PPWD1: variants seen among roughly 807,000 people sequenced by gnomAD.
The protein encoded by PPWD1 is peptidylprolyl isomerase domain and WD repeat containing 1.
Under a neutral mutation model 68.8 loss-of-function variants are expected in PPWD1, and 43 were observed. The ratio of observed to expected loss-of-function variants is 0.62; its 90% CI spans 0.49 to 0.81. The LOEUF (loss-of-function observed/expected upper bound fraction) is 0.81. Ranked by LOEUF, PPWD1 falls within the 30% of genes least tolerant of loss-of-function variation. The probability of loss-of-function intolerance (pLI) is 0.00; values close to 1 mark genes in which losing one functional copy is unlikely to be tolerated. For missense variants in PPWD1, 672 were observed against 804.8 expected, an observed-to-expected ratio of 0.83 and a Z score of 2.00; for synonymous variants, 232 against 258.7, an observed-to-expected ratio of 0.90 and a Z score of 0.99.
chr5:65,579,279 G>T, intron 6 of PPWD1, 145 bp from the exon 7 acceptor site: 1 of 1,246,198 alleles, frequency 8.0e-7, no homozygotes, highest in Non-Finnish European at 1.0e-6. Context: ...TACCTTTTGG[G>T]GGGTAGAGAA....
intron 8 of PPWD1, 135 bp from the exon 9 acceptor site, chr5:65,584,878 GA>G (rs10682457): frequency 5.2e-4 from 605 of 1,161,020 alleles, no homozygotes; most frequent in East Asian, 1.6e-3. Context: ...TAGAGATTAT[GA>G]AAAAAAAAAA....
chr5:65,583,779 T>G (rs1369257907), intron 8 of PPWD1, among the ~76,000 whole-genome samples: 1 of 152,006 alleles, frequency 6.6e-6, no homozygotes, highest in African/African-American at 2.4e-5. Flanking sequence ...CAAGACTCTA[T>G]CTCTTAAAAA....
chr5:65,564,685 C>T (rs1752621753), intron 1 of PPWD1, among the ~76,000 whole-genome samples: 1 of 152,296 alleles, frequency 6.6e-6, no homozygotes, highest in South Asian at 2.1e-4. Context: ...TGTGATCTCT[C>T]CTTACCTTCT....
intron 1 of PPWD1, 41 bp downstream of exon 1, chr5:65,563,547 G>T (rs1432415005): frequency 1.3e-6 from 2 of 1,567,428 alleles, no homozygotes; most frequent in Non-Finnish European, 8.6e-7. Context: ...GGAGTGCTGC[G>T]TCCGCTGAGT....
intron 2 of PPWD1, chr5:65,568,796 G>C: frequency 3.1e-6 from 1 of 322,136 alleles, no homozygotes; most frequent in South Asian, 2.7e-5. Flanking sequence ...GGATAATTCT[G>C]ACCAAATATT....
Position 65,572,057 on chromosome 5 carries a change from T to C in PPWD1, c.740T>C (p.Ile247Thr), listed in dbSNP as rs1753037208. The change falls in exon 5 of 11, where the codon ATT (isoleucine) becomes ACT (threonine). Residue 247 changes from isoleucine (I) to threonine (T), a missense_variant. Ile to Thr is a moderately conservative substitution (Grantham distance 89). Coordinates refer to ENST00000261308, the MANE Select transcript of PPWD1 (RefSeq NM_015342.4). ...GTGTCTTCTGACAAATCTGGGATGA[T>C]TGAATACTGGACTGGGCCTCCTCAT... The part of the protein sequence containing the change: ...AVVSSDKSGM[I>T]EYWTGPPHEY... 5 of 1,613,972 alleles carry C rather than the reference T, an allele frequency of 3.1e-6. No homozygotes were observed. The highest frequency in any genetic ancestry group is 4.2e-6 in the Non-Finnish European group (5 of 1,179,864).
At chr5:65,576,454 G>A in intron 5 of PPWD1, 2 of 564,792 alleles carry the variant, frequency 3.5e-6, no homozygotes, top group Non-Finnish European at 4.4e-6. Context: ...TCGGCTCACT[G>A]CAGCGTCTGC....
chr5:65,581,607 G>A (rs543635491), intron 7 of PPWD1, among the ~76,000 whole-genome samples: 1 of 152,124 alleles, frequency 6.6e-6, no homozygotes, highest in Non-Finnish European at 1.5e-5. Context: ...AGGCAAAAAA[G>A]GATATTTCTT....
chr5:65,568,284 T>C (rs749262104), intron 2 of PPWD1, among the ~76,000 whole-genome samples: 3 of 152,204 alleles, frequency 2.0e-5, no homozygotes, highest in Non-Finnish European at 4.4e-5. Flanking sequence ...CCAGGTACTA[T>C]GCTAAGGCTT....
intron 6 of PPWD1, among the ~76,000 whole-genome samples, chr5:65,577,527 T>A (rs576790646): frequency 6.6e-6 from 1 of 152,148 alleles, no homozygotes; most frequent in Non-Finnish European, 1.5e-5. Flanking sequence ...AATCAGATAC[T>A]CTCACTGAAT....
intron 7 of PPWD1, among the ~76,000 whole-genome samples, chr5:65,581,300 T>C (rs1158407444): frequency 6.6e-6 from 1 of 152,150 alleles, no homozygotes; most frequent in East Asian, 1.9e-4. Context: ...AAAAGATAAT[T>C]CTTGGCCAGG....
In PPWD1 at chr5:65,563,344, A is replaced by G. The variant is rs757322687; in HGVS notation, c.34A>G (p.Arg12Gly). The change falls in exon 1 of 11, where the codon AGA becomes GGA. Residue 12 changes from arginine to glycine, a missense_variant. Arg to Gly is a moderately radical substitution (Grantham distance 125, BLOSUM62 -2). This residue lies in a region of PPWD1 where 188 missense variants were observed against 158.6 expected (regional missense o/e 1.19). Coordinates refer to ENST00000261308, the MANE Select transcript of PPWD1 (RefSeq NM_015342.4). ...AAESGSDFQQ[R>G]RRRRRDPEEP... is the part of the protein sequence containing the mutation. ...GGAAAGTGGTAGCGATTTTCAGCAG[A>G]GACGTAGAAGGCGCCGGGACCCGGA... is the stretch of plus-strand genomic sequence containing the variant. The G allele has an allele frequency of 2.5e-6, 4 of 1,613,872 alleles. No individual in the cohort carries two copies. In the African/African-American group the frequency reaches 4.0e-5, roughly 16 times the overall value.
chr5:65,563,641 C>A, intron 1 of PPWD1, 135 bp downstream of exon 1: 1 of 1,330,622 alleles, frequency 7.5e-7, no homozygotes, highest in Admixed American at 2.1e-5. Context: ...TCACTTCTGG[C>A]TACTCCATAC....
chr5:65,574,242 T>C (rs1357595935), intron 5 of PPWD1, among the ~76,000 whole-genome samples: 7 of 152,170 alleles, frequency 4.6e-5, no homozygotes, highest in Non-Finnish European at 1.0e-4. Context: ...AAATTATCCT[T>C]ATGACAAATT....
At chr5:65,569,532 T>C in intron 2 of PPWD1, 100 bp from the exon 3 acceptor site, 13 of 1,333,820 alleles carry the variant, frequency 9.7e-6, no homozygotes, top group Non-Finnish European at 1.3e-5. Context: ...AAAAAACCTA[T>C]TATGCACAAG....
chr5:65,571,371 T>C (rs1217264556), intron 4 of PPWD1, among the ~76,000 whole-genome samples: 2 of 152,190 alleles, frequency 1.3e-5, no homozygotes, highest in East Asian at 3.8e-4. Flanking sequence ...TGAGAGTGTT[T>C]TAGGACAGTG....
At chr5:65,567,418 A>G in intron 1 of PPWD1, 95 bp from the exon 2 acceptor site, 2 of 1,374,860 alleles carry the variant, frequency 1.5e-6, no homozygotes, top group Non-Finnish European at 1.9e-6. Flanking sequence ...GAAAATACCA[A>G]GTAGAGTGTA....
intron 7 of PPWD1, among the ~76,000 whole-genome samples, chr5:65,581,760 G>GTCAT (rs1384705181): frequency 1.3e-5 from 2 of 152,174 alleles, no homozygotes; most frequent in Middle Eastern, 3.4e-3. Context: ...AACAAAATAA[G>GTCAT]TCATTCACTG....
In PPWD1 at chr5:65,563,511, C is replaced by T. The variant is rs1160435816; in HGVS notation, c.196+5C>T. On this transcript the variant is annotated splice_donor_5th_base_variant and intron_variant, in intron 1 of 10. Coordinates refer to ENST00000261308, the MANE Select transcript of PPWD1 (RefSeq NM_015342.4). ...CACTGGCCAAGAAGAGGAAAGGTAG[C>T]TGCAGACATAGTACCGGGACGAATT... 1.2e-6 allele frequency: 2 copies of T among 1,608,870 alleles called. No individual in the cohort carries two copies. The highest frequency in any genetic ancestry group is 2.7e-5 in the African/African-American group (2 of 74,756).
Sources: gnomAD v4.1 joint callset for allele counts (sites outside exome capture counted in the v4.1 genomes callset) on GRCh38, gnomAD v4.1.1 for gene constraint, gnomAD v4.1.1 regional missense constraint, MANE v1.5 for transcripts, NCBI Gene and HGNC (gene_info 2026-07-23, HGNC 2026-07-21) for gene names.